The following PPM1L variants were observed in gnomAD, a reference collection of about 807,000 sequenced individuals.
The protein encoded by PPM1L is protein phosphatase 1L.
PPM1L carries 13 observed loss-of-function variants against 31.4 expected under a neutral mutation model. The observed-to-expected ratio is 0.41, with a 90% CI of 0.27 to 0.66. The LOEUF is 0.66. Ranked by LOEUF, PPM1L falls within the 30% of genes least tolerant of loss-of-function variation. PPM1L has a pLI of 0.29. For synonymous variants in PPM1L, 184 were observed against 175.4 expected (o/e 1.05, Z -0.39); for missense variants, 326 against 453.7 (o/e 0.72, Z 2.56).
chr3:160,833,771 T>G (rs1468148666), intron 1 of PPM1L, among the ~76,000 whole-genome samples: 1 of 152,122 alleles, frequency 6.6e-6, no homozygotes, highest in East Asian at 1.9e-4. Flanking sequence ...AGAAGCTATT[T>G]AGTTTAATTA....
At chr3:160,916,702 C>G (rs896646895) in intron 1 of PPM1L, among the ~76,000 whole-genome samples, 2 of 151,796 alleles carry the variant, frequency 1.3e-5, no homozygotes, top group Non-Finnish European at 2.9e-5. Context: ...CTGGCAACTC[C>G]TTTGAGAAAC....
chr3:161,009,829 A>G (rs1717832200), intron 2 of PPM1L, among the ~76,000 whole-genome samples: 1 of 152,162 alleles, frequency 6.6e-6, no homozygotes, highest in African/African-American at 2.4e-5. Context: ...TTTAAAACCA[A>G]ACATTTTGAC....
intron 3 of PPM1L, 118 bp from the exon 4 acceptor site, chr3:161,068,693 G>C (rs1442167909): frequency 1.3e-6 from 1 of 769,730 alleles, no homozygotes; most frequent in Admixed American, 2.9e-5. Context: ...GGGGTTAAGG[G>C]GAGTGCCCAC....
At chr3:160,920,385 TC>T (rs1714345682) in intron 1 of PPM1L, among the ~76,000 whole-genome samples, 1 of 152,158 alleles carries the variant, frequency 6.6e-6, no homozygotes, top group South Asian at 2.1e-4. Flanking sequence ...CTTGGCCTTT[TC>T]TTTCACAATG....
chr3:160,862,518 C>T lies in PPM1L; in HGVS notation c.400-99218C>T, dbSNP rs145871598. ...ACACCTGGGTTTTGATTTAAAGTAA[C>T]TTAAAGGAATTGCTTATAGCAGAGA... On this transcript the variant is annotated intron_variant, in intron 1 of 3. Coordinates refer to ENST00000498165, the MANE Select transcript of PPM1L (RefSeq NM_139245.4). Among the ~76,000 whole-genome samples the T allele has an allele frequency of 2.1e-3, 316 of 152,220 alleles. 1 individual carries two copies. The highest frequency in any genetic ancestry group is 7.4e-3 in the African/African-American group (307 of 41,534).
intron 1 of PPM1L, among the ~76,000 whole-genome samples, chr3:160,909,126 C>T (rs568806192): frequency 1.9e-4 from 29 of 151,948 alleles, no homozygotes; most frequent in Non-Finnish European, 3.2e-4. Flanking sequence ...ACCTTAGAAA[C>T]GTTTTTGTAA....
chr3:160,826,914 T>C (rs1397542321), intron 1 of PPM1L, among the ~76,000 whole-genome samples: 1 of 152,046 alleles, frequency 6.6e-6, no homozygotes, highest in Non-Finnish European at 1.5e-5. Context: ...TGAACAAATA[T>C]ATCATGGTTT....
In PPM1L at chr3:160,799,695, C is replaced by T. The variant is rs149268557; in HGVS notation, c.399+42988C>T. The stretch of plus-strand genomic sequence containing the variant: ...CCTTTACACTTGCTATTCATTTTGC[C>T]TGGAACATGTTCCCCTGCTTATCCA... On this transcript the variant is annotated intron_variant, in intron 1 of 3. Transcript: ENST00000498165. 1.8e-3 allele frequency among the ~76,000 whole-genome samples: 274 copies of T among 152,284 alleles called. 1 individual carries two copies. Among genetic ancestry groups the T allele is most frequent in the Non-Finnish European group, 2.5e-3 (172 of 68,016 alleles).
At chr3:160,766,407 G>A (rs1370909450) in intron 1 of PPM1L, among the ~76,000 whole-genome samples, 1 of 152,086 alleles carries the variant, frequency 6.6e-6, no homozygotes, top group African/African-American at 2.4e-5. Context: ...TAGATCTGGG[G>A]ATTAGATCAT....
chr3:160,996,896 T>C (rs764839370), intron 2 of PPM1L, among the ~76,000 whole-genome samples: 8 of 152,014 alleles, frequency 5.3e-5, no homozygotes, highest in Non-Finnish European at 7.4e-5. Flanking sequence ...CAAAAGATGG[T>C]TGGATTTAAC....
At chr3:160,847,582 G>A (rs1175309181) in intron 1 of PPM1L, among the ~76,000 whole-genome samples, 1 of 152,124 alleles carries the variant, frequency 6.6e-6, no homozygotes, top group Non-Finnish European at 1.5e-5. Flanking sequence ...CTCTTTGCCA[G>A]TAGTGATGCT....
Position 161,076,304 on chromosome 3 carries a change from C to A in PPM1L, c.*7147C>A. 6.6e-6 allele frequency: 1 copy of A among 152,328 alleles called. No individual in the cohort carries two copies. Among genetic ancestry groups the A allele is most frequent in the East Asian group, 1.9e-4 (1 of 5,184 alleles). The allele number at this position is 152,328 out of a possible 1,614,324, so 9.4% of individuals were successfully genotyped here. ...GTAATGAAAACGTCTAAATCCTGCT[C>A]TGTGGAGAAAAGCTAGAACCATGGG... On this transcript the variant is annotated 3_prime_UTR_variant, in exon 4 of 4. Transcript: ENST00000498165.
intron 1 of PPM1L, among the ~76,000 whole-genome samples, chr3:160,783,617 AAAAGAAAG>A: frequency 6.6e-6 from 1 of 151,638 alleles, no homozygotes; most frequent in East Asian, 1.9e-4. Context: ...AAAAAAAAGA[AAAAGAAAG>A]AAAGAAAGAA....
chr3:160,794,070 C>G (rs753034397), intron 1 of PPM1L, among the ~76,000 whole-genome samples: 1 of 147,840 alleles, frequency 6.8e-6, no homozygotes, highest in South Asian at 2.1e-4. Flanking sequence ...GCTCCCTCAC[C>G]GAGCTATGTC....
chr3:161,003,640 T>G (rs1717586947), intron 2 of PPM1L, among the ~76,000 whole-genome samples: 1 of 152,182 alleles, frequency 6.6e-6, no homozygotes, highest in African/African-American at 2.4e-5. Context: ...GTTCTCTGTT[T>G]GTCTGTTGTT....
chr3:161,067,453 A>G lies in PPM1L; in HGVS notation c.737-1358A>G, dbSNP rs1036354074. Among the ~76,000 whole-genome samples, 5 of 152,162 alleles carry G rather than the reference A, an allele frequency of 3.3e-5. No homozygotes were observed. The East Asian group carries it at 7.7e-4, about 23-fold the overall frequency. ...ATCTTTCCCCCTCCTGCTTAGCATG[A>G]CAGTAAGGTCCAGCCAGTCTGGGCC... is the stretch of plus-strand genomic sequence containing the variant. On this transcript the variant is annotated intron_variant, in intron 3 of 3. Coordinates refer to ENST00000498165, the MANE Select transcript of PPM1L (RefSeq NM_139245.4).
chr3:160,854,792 T>G (rs554222467), intron 1 of PPM1L, among the ~76,000 whole-genome samples: 81 of 151,304 alleles, frequency 5.4e-4, no homozygotes, highest in African/African-American at 1.9e-3. Flanking sequence ...CCCAAAGCAA[T>G]TTACAGATTC....
chr3:160,951,978 T>C (rs1414984819), intron 1 of PPM1L, among the ~76,000 whole-genome samples: 2 of 152,178 alleles, frequency 1.3e-5, no homozygotes, highest in African/African-American at 4.8e-5. Context: ...AGCCTGGGAC[T>C]TTTTCCTGAT....
At chr3:160,793,572 A>G (rs1046362353) in intron 1 of PPM1L, among the ~76,000 whole-genome samples, 2 of 152,180 alleles carry the variant, frequency 1.3e-5, no homozygotes, top group Non-Finnish European at 2.9e-5. Flanking sequence ...CTTTCTTTGT[A>G]GAGGATTTAA....
Sources: allele counts gnomAD v4.1 joint callset (sites outside exome capture counted in the v4.1 genomes callset), GRCh38; gene constraint gnomAD v4.1.1; transcripts MANE v1.5; gene names NCBI Gene and HGNC (gene_info 2026-07-23, HGNC 2026-07-21).